The following UBE2V1 variants were observed in gnomAD, a reference collection of about 807,000 sequenced individuals.
UBE2V1 encodes ubiquitin conjugating enzyme E2 V1, also known as ubiquitin-conjugating enzyme E2 variant 1.
Under a neutral mutation model 19.6 loss-of-function variants are expected in UBE2V1, and 15 were observed. That is an observed-to-expected ratio of 0.77 (90% CI 0.51 to 1.18). The LOEUF is 1.18. UBE2V1 is among the 50% of genes most tolerant of loss of function. The pLI is 0.00. For synonymous variants in UBE2V1, 60 were observed against 60.7 expected (o/e 0.99, Z 0.05); for missense variants, 125 against 184.8 (o/e 0.68, Z 1.88).
chr20:50,082,355 G>A lies in UBE2V1; in HGVS notation c.*413C>T, dbSNP rs144341721. ...AAGCCCCCCAGGCTAGAGGGCTGTT[G>A]TTGCAGGGAGGGTGGGAGGCGGGAG... is the stretch of plus-strand genomic sequence containing the variant. On this transcript the variant is annotated 3_prime_UTR_variant, in exon 4 of 4. Coordinates refer to ENST00000371674, the MANE Select transcript of UBE2V1 (RefSeq NM_001032288.3). The A allele has an allele frequency of 3.1e-4, 58 of 188,622 alleles. No individual in the cohort carries two copies. The highest frequency in any genetic ancestry group is 1.4e-3 in the African/African-American group (58 of 41,922). The allele number at this position is 188,622 out of a possible 1,614,324, so 11.7% of individuals were successfully genotyped here. A position where few individuals can be genotyped will look rare whatever the true frequency, so the allele number is the denominator to read the frequency against.
chr20:50,113,183 C>A (rs1459192488), upstream of UBE2V1: 2 of 1,190,154 alleles, frequency 1.7e-6, no homozygotes, highest in Admixed American at 8.7e-5. Context: ...CCTTACCCGT[C>A]CCCCGGCCCT....
upstream of UBE2V1, among the ~76,000 whole-genome samples, chr20:50,114,701 AT>A (rs1408971309): frequency 1.3e-5 from 2 of 152,132 alleles, no homozygotes; most frequent in Non-Finnish European, 2.9e-5. Context: ...GGGTGGTCAG[AT>A]TTAACGGGGC....
At chr20:50,115,719 T>C, upstream of UBE2V1, 1 of 1,021,710 alleles carries the variant, frequency 9.8e-7, no homozygotes, top group Non-Finnish European at 1.3e-6. Flanking sequence ...CATCCAACTT[T>C]TAATCCTCAC....
At chr20:50,093,229 A>G (rs2079346595) in intron 2 of UBE2V1, among the ~76,000 whole-genome samples, 1 of 152,290 alleles carries the variant, frequency 6.6e-6, no homozygotes, top group Admixed American at 6.5e-5. Context: ...GAGAAATTGG[A>G]AAGTAAATTC....
chr20:50,108,408 A>T (rs913010963), intron 1 of UBE2V1, among the ~76,000 whole-genome samples: 9 of 152,210 alleles, frequency 5.9e-5, no homozygotes, highest in African/African-American at 2.2e-4. Flanking sequence ...AATAACAGAC[A>T]TGCCAATGGC....
At chr20:50,093,987 C>CAAAAAAAAAAAAA (rs60174191) in intron 2 of UBE2V1, among the ~76,000 whole-genome samples, 9 of 56,278 alleles carry the variant, frequency 1.6e-4, no homozygotes, top group Non-Finnish European at 2.6e-4. Context: ...GACTCCAACT[C>CAAAAAAAAAAAAA]AAAAAAAAAA....
At chr20:50,101,961 T>C (rs913367563) in intron 1 of UBE2V1, among the ~76,000 whole-genome samples, 2 of 152,208 alleles carry the variant, frequency 1.3e-5, no homozygotes, top group Non-Finnish European at 2.9e-5. Context: ...GTTGGAGCCA[T>C]GTTACTACTG....
chr20:50,115,535 C>T (rs749456635), upstream of UBE2V1: 20 of 1,596,646 alleles, frequency 1.3e-5, no homozygotes, highest in Non-Finnish European at 1.5e-5. Context: ...ACTCAGTTTG[C>T]TTTGTGACTT....
chr20:50,094,073 T>TAA (rs1416772103), intron 2 of UBE2V1, among the ~76,000 whole-genome samples: 1 of 138,060 alleles, frequency 7.2e-6, no homozygotes, highest in Non-Finnish European at 1.5e-5. Context: ...GTTATATATA[T>TAA]AATATATATA....
chr20:50,101,414 A>T (rs1381860970), intron 1 of UBE2V1, among the ~76,000 whole-genome samples: 1 of 139,100 alleles, frequency 7.2e-6, no homozygotes, highest in Non-Finnish European at 1.5e-5. Context: ...GACCTCAAAG[A>T]ACTTTTTTTT....
chr20:50,091,194 G>A (rs959086280), intron 2 of UBE2V1, among the ~76,000 whole-genome samples: 2 of 151,918 alleles, frequency 1.3e-5, no homozygotes, highest in South Asian at 2.1e-4. Context: ...CTACAGGCGT[G>A]CATCACTACG....
chr20:50,084,685 G>A (rs1600948419), intron 2 of UBE2V1: 1 of 378,820 alleles, frequency 2.6e-6, no homozygotes, highest in East Asian at 7.2e-5. Flanking sequence ...CACTGCTTTA[G>A]AGAACCTCAA....
intron 1 of UBE2V1, among the ~76,000 whole-genome samples, chr20:50,107,835 G>C (rs1001800273): frequency 2.6e-5 from 4 of 152,182 alleles, no homozygotes; most frequent in African/African-American, 9.7e-5. Flanking sequence ...AATATGCAAC[G>C]AAACAACACT....
At chr20:50,110,987 C>T (rs1211605956) in intron 1 of UBE2V1, among the ~76,000 whole-genome samples, 1 of 152,212 alleles carries the variant, frequency 6.6e-6, no homozygotes, top group Non-Finnish European at 1.5e-5. Context: ...CAATTTCCTC[C>T]ATAGCACTTA....
At chr20:50,094,118 ATATTATATAT>A (rs1479124699) in intron 2 of UBE2V1, among the ~76,000 whole-genome samples, 5 of 121,280 alleles carry the variant, frequency 4.1e-5, no homozygotes, top group South Asian at 2.6e-4. Context: ...AAATAAAAAT[ATATTATATAT>A]TATAATTATA....
At chr20:50,089,723 G>A (rs542772883) in intron 2 of UBE2V1, among the ~76,000 whole-genome samples, 3 of 152,304 alleles carry the variant, frequency 2.0e-5, no homozygotes, top group Admixed American at 6.5e-5. Context: ...GAGTGAGCAC[G>A]GGGCCCATCT....
chr20:50,102,955 G>A (rs759933055), intron 1 of UBE2V1, among the ~76,000 whole-genome samples: 10 of 152,210 alleles, frequency 6.6e-5, no homozygotes, highest in Non-Finnish European at 1.5e-4. Context: ...CTCTGTCCCA[G>A]AGCTGTGAAT....
intron 2 of UBE2V1, among the ~76,000 whole-genome samples, chr20:50,086,852 C>T (rs1187632438): frequency 4.6e-5 from 7 of 152,188 alleles, no homozygotes; most frequent in East Asian, 3.9e-4. Flanking sequence ...CCGAGACAGG[C>T]GGATCACAAG....
At chr20:50,113,766 A>AATTCATTCATTCATTC (rs67186246), upstream of UBE2V1, among the ~76,000 whole-genome samples, 1 of 132,892 alleles carries the variant, frequency 7.5e-6, no homozygotes, top group South Asian at 2.3e-4. Context: ...CCATCTACCC[A>AATTCATTCATTCATTC]ATTCATTCAT....
Sources: gnomAD v4.1 joint callset for allele counts (sites outside exome capture counted in the v4.1 genomes callset) on GRCh38, gnomAD v4.1.1 for gene constraint, MANE v1.5 for transcripts, NCBI Gene and HGNC (gene_info 2026-07-23, HGNC 2026-07-21) for gene names.